The following ABCD3 variants were observed in gnomAD, a reference collection of about 807,000 sequenced individuals.
The protein encoded by ABCD3 is ATP binding cassette subfamily D member 3.
Under a neutral mutation model 105.5 loss-of-function variants are expected in ABCD3, and 41 were observed. That is an observed-to-expected ratio of 0.39 (90% CI 0.30 to 0.50). The LOEUF is 0.50. ABCD3 is among the 20% of genes least tolerant of loss of function. ABCD3 has a pLI of 0.84. For synonymous variants in ABCD3, 258 were observed against 269.0 expected (o/e 0.96, Z 0.40); for missense variants, 622 against 806.3 (o/e 0.77, Z 2.77).
chr1:94,450,061 C>T (rs534725607), intron 1 of ABCD3, among the ~76,000 whole-genome samples: 1 of 152,338 alleles, frequency 6.6e-6, no homozygotes, highest in Non-Finnish European at 1.5e-5. Flanking sequence ...CCAGGCACAC[C>T]TGACCTTAAT....
chr1:94,439,494 TAGTC>T (rs1204300014), intron 1 of ABCD3, among the ~76,000 whole-genome samples: 4 of 152,066 alleles, frequency 2.6e-5, no homozygotes, highest in Non-Finnish European at 4.4e-5. Flanking sequence ...ATACAAAAAT[TAGTC>T]AGGTGTGGTG....
chr1:94,473,642 T>G, intron 4 of ABCD3, 124 bp from the exon 5 acceptor site: 1 of 818,612 alleles, frequency 1.2e-6, no homozygotes, highest in African/African-American at 1.7e-5. Context: ...TTTTAGCATC[T>G]TTTTTATTGA....
intron 10 of ABCD3, among the ~76,000 whole-genome samples, chr1:94,487,201 C>A (rs187449658): frequency 6.6e-6 from 1 of 152,094 alleles, no homozygotes; most frequent in Non-Finnish European, 1.5e-5. Context: ...TTTTTGCTTT[C>A]GTTGTTGTCC....
chr1:94,489,682 T>C, intron 13 of ABCD3, 43 bp from the exon 14 acceptor site: 2 of 1,340,912 alleles, frequency 1.5e-6, no homozygotes, highest in South Asian at 2.4e-5. Context: ...GATGTGACAA[T>C]AGTCTGGAGT....
intron 5 of ABCD3, among the ~76,000 whole-genome samples, chr1:94,474,434 G>A (rs918073601): frequency 1.3e-5 from 2 of 151,980 alleles, no homozygotes; most frequent in African/African-American, 2.4e-5. Flanking sequence ...TTTTCTTGGC[G>A]CTGTAAGAAT....
At chr1:94,457,604 A>G (rs889991184) in intron 1 of ABCD3, among the ~76,000 whole-genome samples, 7 of 152,056 alleles carry the variant, frequency 4.6e-5, no homozygotes, top group Non-Finnish European at 1.0e-4. Flanking sequence ...GCTCAGCTCT[A>G]GAGACACTCC....
upstream of ABCD3, among the ~76,000 whole-genome samples, chr1:94,416,954 T>C (rs1659042395): frequency 1.3e-5 from 2 of 152,244 alleles, no homozygotes; most frequent in Non-Finnish European, 2.9e-5. Flanking sequence ...CATTTCTACA[T>C]AGCTGTCCAT....
chr1:94,400,404 GA>G, the ABCD3 span, among the ~76,000 whole-genome samples: 191 of 127,040 alleles, frequency 1.5e-3, no homozygotes, highest in East Asian at 5.1e-3. Flanking sequence ...ACTCTGTCTC[GA>G]AAAAAAAAAA....
chr1:94,496,392 C>T (rs1649801108), intron 16 of ABCD3, among the ~76,000 whole-genome samples: 1 of 151,930 alleles, frequency 6.6e-6, no homozygotes, highest in Non-Finnish European at 1.5e-5. Flanking sequence ...TTTCAAGGTT[C>T]ATCTGTATTG....
At chr1:94,392,760 A>C in the ABCD3 span, among the ~76,000 whole-genome samples, 1 of 152,202 alleles carries the variant, frequency 6.6e-6, no homozygotes, top group Admixed American at 6.5e-5. Flanking sequence ...AACAAAGCAA[A>C]TATGGGTCTT....
chr1:94,418,929 C>T, intron 1 of ABCD3: 1 of 379,252 alleles, frequency 2.6e-6, no homozygotes, highest in East Asian at 6.0e-5. Context: ...CCTACATCAC[C>T]CCCTTCTGTG....
intron 1 of ABCD3, among the ~76,000 whole-genome samples, chr1:94,446,891 T>TG (rs1660369191): frequency 6.6e-6 from 1 of 152,142 alleles, no homozygotes; most frequent in South Asian, 2.1e-4. Flanking sequence ...TATAAATCTG[T>TG]GGGGAAGAGA....
intron 21 of ABCD3, among the ~76,000 whole-genome samples, chr1:94,510,574 A>G (rs1326287847): frequency 2.6e-5 from 4 of 152,036 alleles, no homozygotes; most frequent in African/African-American, 9.7e-5. Context: ...TGATCTGACT[A>G]ATGTTGACAG....
chr1:94,404,866 G>C, the ABCD3 span, among the ~76,000 whole-genome samples: 1 of 150,052 alleles, frequency 6.7e-6, no homozygotes, highest in Non-Finnish European at 1.5e-5. Flanking sequence ...TCCCTATTTT[G>C]AGGCGGAGGT....
At chr1:94,414,390 CAA>C (rs1427825440), upstream of ABCD3, among the ~76,000 whole-genome samples, 1 of 152,298 alleles carries the variant, frequency 6.6e-6, no homozygotes, top group Admixed American at 6.5e-5. Flanking sequence ...TGTGAATCCA[CAA>C]AGTCATTTTC....
chr1:94,424,017 C>A lies in ABCD3; in HGVS notation c.110+5429C>A, dbSNP rs1326417293. 2.0e-5 allele frequency among the ~76,000 whole-genome samples: 3 copies of A among 152,062 alleles called. No homozygotes were observed. The East Asian group carries it at 5.8e-4, about 29-fold the overall frequency. ...GCGGCTTGAGACCCTTACAGTTACC[C>A]ATGAGTAGATGTTATATGGCCCCGT... On this transcript the variant is annotated intron_variant, in intron 1 of 22. Coordinates refer to ENST00000370214, the MANE Select transcript of ABCD3 (RefSeq NM_002858.4).
At position 94,517,074 on chromosome 1, in the gene ABCD3, G is replaced by C; in HGVS notation, c.1925G>C (p.Arg642Thr). 6.2e-7 allele frequency: 1 copy of C among 1,610,972 alleles called. No homozygotes were observed. The highest frequency in any genetic ancestry group is 1.1e-5 in the South Asian group (1 of 91,020). The change falls in exon 23 of 23, where the codon AGA (arginine) becomes ACA (threonine). Residue 642 changes from arginine to threonine, a missense_variant. By Grantham distance (71) the Arg-to-Thr change is moderately conservative. Around this residue, in one of 4 missense-constraint regions of ABCD3, gnomAD observed 285 missense variants for 352.5 expected, o/e 0.81. Transcript: ENST00000370214. ...TAGTACTACCTGCATATGGATGGCA[G>C]AGGCAACTATGAATTCAAACAGATA... ...HHEYYLHMDG[R>T]GNYEFKQITE...
chr1:94,438,142 C>A (rs1345114857), intron 1 of ABCD3, among the ~76,000 whole-genome samples: 1 of 151,990 alleles, frequency 6.6e-6, no homozygotes, highest in Non-Finnish European at 1.5e-5. Flanking sequence ...AAAAAATTAG[C>A]CGGGTGTGGT....
the ABCD3 span, among the ~76,000 whole-genome samples, chr1:94,398,089 T>C: frequency 5.9e-5 from 9 of 152,202 alleles, no homozygotes; most frequent in African/African-American, 2.2e-4. Context: ...GACTAATGAA[T>C]TTTTATTTTA....
Sources: gnomAD v4.1 joint callset for allele counts (sites outside exome capture counted in the v4.1 genomes callset) on GRCh38, gnomAD v4.1.1 for gene constraint, gnomAD v4.1.1 regional missense constraint, MANE v1.5 for transcripts, NCBI Gene and HGNC (gene_info 2026-07-23, HGNC 2026-07-21) for gene names.